Variants in ECPAS observed in about 807,000 individuals in gnomAD.
ECPAS encodes the protein proteasome adapter and scaffold protein ECM29.
ECPAS carries 70 observed loss-of-function variants against 255.1 expected under a neutral mutation model. That is an observed-to-expected ratio of 0.27 (90% CI 0.23 to 0.33). The LOEUF (loss-of-function observed/expected upper bound fraction) is 0.33. ECPAS is among the 10% of genes least tolerant of loss of function. The pLI is 1.00. For missense variants in ECPAS, 1,817 were observed against 2,206.4 expected, an observed-to-expected ratio of 0.82 and a Z score of 3.54; for synonymous variants, 784 against 775.0, an observed-to-expected ratio of 1.01 and a Z score of -0.19.
chr9:111,411,856 G>C (rs954632686), intron 21 of ECPAS, 158 bp downstream of exon 21: 3 of 603,820 alleles, frequency 5.0e-6, no homozygotes, highest in African/African-American at 3.9e-5. Context: ...TGAGCTGACT[G>C]AACCAATGTA....
At chr9:111,363,812 T>C (rs936796927) in intron 48 of ECPAS, among the ~76,000 whole-genome samples, 153 bp from the exon 49 acceptor site, 1 of 152,160 alleles carries the variant, frequency 6.6e-6, no homozygotes, top group African/African-American at 2.4e-5. Context: ...TTCCCTTTGC[T>C]AAGTATCAAA....
intron 5 of ECPAS, 84 bp from the exon 6 acceptor site, chr9:111,440,605 T>G: frequency 9.3e-7 from 1 of 1,073,410 alleles, no homozygotes. Context: ...AAAAATCACG[T>G]AACAAAAACT....
chr9:111,365,323 T>TCAC (rs1554774970), intron 48 of ECPAS, among the ~76,000 whole-genome samples: 24 of 148,446 alleles, frequency 1.6e-4, no homozygotes, highest in East Asian at 8.2e-4. Context: ...ATCATCATCA[T>TCAC]CACCTGGACT....
intron 2 of ECPAS, among the ~76,000 whole-genome samples, chr9:111,459,623 A>G (rs1286649312): frequency 1.3e-5 from 2 of 152,152 alleles, no homozygotes; most frequent in African/African-American, 4.8e-5. Flanking sequence ...ATCCCATGTG[A>G]CAATACCTCA....
chr9:111,386,194 C>T (rs899736906), intron 32 of ECPAS, among the ~76,000 whole-genome samples, 183 bp downstream of exon 32: 9 of 152,192 alleles, frequency 5.9e-5, no homozygotes, highest in Non-Finnish European at 1.0e-4. Context: ...GAACTCCTCA[C>T]CTCAGGTGAT....
chr9:111,449,219 G>T (rs543082229), intron 3 of ECPAS, among the ~76,000 whole-genome samples: 9 of 151,922 alleles, frequency 5.9e-5, no homozygotes, highest in South Asian at 2.1e-4. Context: ...TCTAAAAAAA[G>T]AAATAATTTG....
At chr9:111,465,732 G>A (rs1223299077) in intron 2 of ECPAS, among the ~76,000 whole-genome samples, 1 of 151,190 alleles carries the variant, frequency 6.6e-6, no homozygotes, top group Non-Finnish European at 1.5e-5. Context: ...TTTTTGATTA[G>A]AAAAAAACAG....
Position 111,472,896 on chromosome 9 carries a change from C to A in ECPAS, c.22+1G>T, listed in dbSNP as rs1487472630. 7 of 1,197,922 alleles carry A rather than the reference C, an allele frequency of 5.8e-6. No homozygotes were observed. The highest frequency in any genetic ancestry group is 7.6e-6 in the Non-Finnish European group (7 of 921,918). The allele number at this position is 1,197,922 out of a possible 1,614,324, so 74.2% of individuals were successfully genotyped here. A position where few individuals can be genotyped will look rare whatever the true frequency, so the allele number is the denominator to read the frequency against. ...CATCCTAAGGAACTAAATCTACTAA[C>A]CTCTACAATCAATGTGATACATGGT... is the stretch of plus-strand genomic sequence containing the variant. On this transcript the variant is annotated splice_donor_variant, in intron 2 of 49. Coordinates refer to ENST00000684092, the MANE Select transcript of ECPAS (RefSeq NM_001364929.1). LOFTEE classifies it high-confidence loss of function.
intron 24 of ECPAS, among the ~76,000 whole-genome samples, chr9:111,405,691 T>C (rs747443006): frequency 6.7e-6 from 1 of 149,672 alleles, no homozygotes; most frequent in Non-Finnish European, 1.5e-5. Context: ...TTCAACTCAA[T>C]AGCAAATAAA....
chr9:111,401,299 C>A (rs2098175673), intron 24 of ECPAS, among the ~76,000 whole-genome samples: 1 of 152,172 alleles, frequency 6.6e-6, no homozygotes, highest in Admixed American at 6.5e-5. Flanking sequence ...TACAGCTGGG[C>A]CTGCGGGGGT....
chr9:111,388,439 A>G (rs2098153919), intron 31 of ECPAS, among the ~76,000 whole-genome samples: 1 of 150,670 alleles, frequency 6.6e-6, no homozygotes, highest in African/African-American at 2.5e-5. Flanking sequence ...ACCCTCAAGT[A>G]CCTACCACCA....
intron 31 of ECPAS, among the ~76,000 whole-genome samples, chr9:111,388,899 C>A (rs968128435): frequency 6.6e-6 from 1 of 152,096 alleles, no homozygotes; most frequent in Non-Finnish European, 1.5e-5. Context: ...CTGTTCTGGG[C>A]ATGTTGGGTT....
In ECPAS at chr9:111,378,665, A is replaced by T; in HGVS notation, c.3869T>A (p.Leu1290His). 6.2e-7 allele frequency: 1 copy of T among 1,613,882 alleles called. No homozygotes were observed. Among genetic ancestry groups the T allele is most frequent in the Non-Finnish European group, 8.5e-7 (1 of 1,179,786 alleles). ...TAAGGACTCTAGCAGAGCTGGAATG[A>T]GTTTTGGTGCATGCGGTTTCAACAT... ...GAMLKPHAPK[L>H]IPALLESLSV... The change falls in exon 36 of 50, where the codon CTC (leucine) becomes CAC (histidine). Residue 1290 changes from leucine (L) to histidine (H), a missense_variant. Coordinates refer to ENST00000684092, the MANE Select transcript of ECPAS (RefSeq NM_001364929.1).
At position 111,363,551 on chromosome 9, in the gene ECPAS, C is replaced by CT. The variant is rs754784243; in HGVS notation, c.5380+36dup. The CT allele has an allele frequency of 3.2e-6, 4 of 1,262,364 alleles. No individual in the cohort carries two copies. In the East Asian group the frequency reaches 9.5e-5, roughly 30 times the overall value. 78.2% of individuals were successfully genotyped at this position (1,262,364 alleles called of 1,614,324 possible). On this transcript the variant is annotated intron_variant, in intron 49 of 49. Coordinates refer to ENST00000684092, the MANE Select transcript of ECPAS (RefSeq NM_001364929.1). The stretch of plus-strand genomic sequence containing the variant: ...AATTTCTAAAACATATGCCACATGG[C>CT]TTTATGGTCCCCCAGTCAGAACTAA...
intron 1 of ECPAS, among the ~76,000 whole-genome samples, chr9:111,477,887 C>T (rs2098298422): frequency 6.6e-6 from 1 of 151,184 alleles, no homozygotes; most frequent in South Asian, 2.1e-4. Flanking sequence ...ATTAACCTGC[C>T]TATTTTTGGC....
At chr9:111,398,711 C>T (rs1459234015) in intron 24 of ECPAS, among the ~76,000 whole-genome samples, 1 of 151,992 alleles carries the variant, frequency 6.6e-6, no homozygotes, top group Non-Finnish European at 1.5e-5. Context: ...CCACGGTGGG[C>T]GGATCACCTG....
chr9:111,366,807 A>G (rs994380464), intron 46 of ECPAS, among the ~76,000 whole-genome samples, 180 bp from the exon 47 acceptor site: 1 of 152,228 alleles, frequency 6.6e-6, no homozygotes, highest in Non-Finnish European at 1.5e-5. Flanking sequence ...AAATACTTTT[A>G]ATTAAAGCCA....
At chr9:111,445,594 G>A (rs921809594) in intron 3 of ECPAS, among the ~76,000 whole-genome samples, 1 of 152,132 alleles carries the variant, frequency 6.6e-6, no homozygotes, top group Non-Finnish European at 1.5e-5. Flanking sequence ...AACGATAAGA[G>A]TTCATAAAAG....
rs533953832 is a variant in ECPAS, at chr9:111,401,138, A to G, written c.2653-3985T>C. Among the ~76,000 whole-genome samples the G allele has an allele frequency of 1.8e-4, 28 of 152,352 alleles. 1 individual carries two copies. The East Asian group carries it at 4.4e-3, about 24-fold the overall frequency. ...TAAAAGTAAGAAAGAAAGAAAGAAA[A>G]AAATCCTTGCAACTGAGAATACTGT... On this transcript the variant is annotated intron_variant, in intron 24 of 49. Coordinates refer to ENST00000684092, the MANE Select transcript of ECPAS (RefSeq NM_001364929.1).
Sources: gnomAD v4.1 joint callset for allele counts (sites outside exome capture counted in the v4.1 genomes callset) on GRCh38, gnomAD v4.1.1 for gene constraint, MANE v1.5 for transcripts, NCBI Gene and HGNC (gene_info 2026-07-23, HGNC 2026-07-21) for gene names.